Variants in PCDHGA2 observed in about 807,000 individuals in gnomAD.
The protein encoded by PCDHGA2 is protocadherin gamma-A2.
In PCDHGA2, 40 loss-of-function variants were observed where a neutral mutation model predicts 59.2. That is an observed-to-expected ratio of 0.68 (90% confidence interval 0.52 to 0.88). PCDHGA2 has a LOEUF of 0.88. Among genes scored for constraint, PCDHGA2 ranks in the 40% least tolerant of loss-of-function variants. PCDHGA2 has a pLI of 0.00. For missense variants in PCDHGA2, 1,226 were observed against 1,204.0 expected, an observed-to-expected ratio of 1.02 and a Z score of -0.27; for synonymous variants, 560 against 526.0, an observed-to-expected ratio of 1.06 and a Z score of -0.89.
At chr5:141,384,568 G>A (rs1780218340) in intron 1 of PCDHGA2, 1 of 1,614,118 alleles carries the variant, frequency 6.2e-7, no homozygotes, top group Non-Finnish European at 8.5e-7. Context: ...GGACCAGAAT[G>A]ACAACCCGCC....
At chr5:141,419,849 T>C in intron 1 of PCDHGA2, 1 of 1,614,040 alleles carries the variant, frequency 6.2e-7, no homozygotes, top group East Asian at 2.2e-5. Context: ...GCACCTGGTG[T>C]TCGCAGATAG....
chr5:141,480,414 CAA>C (rs10712552), intron 1 of PCDHGA2, among the ~76,000 whole-genome samples: 346 of 147,498 alleles, frequency 2.3e-3, no homozygotes, highest in African/African-American at 8.3e-3. Flanking sequence ...GACCCTGTCT[CAA>C]AAAAAAAAAT....
At chr5:141,410,847 G>GTATTT in intron 1 of PCDHGA2, 1 of 158,252 alleles carries the variant, frequency 6.3e-6, no homozygotes. Flanking sequence ...TTTTGTCTTT[G>GTATTT]TCTTTTTTTT....
chr5:141,415,849 C>A (rs1453652151), intron 1 of PCDHGA2: 2 of 1,230,672 alleles, frequency 1.6e-6, no homozygotes, highest in Non-Finnish European at 2.1e-6. Flanking sequence ...CTTTGCAGAA[C>A]CTTGTAGTTT....
At position 141,385,321 on chromosome 5, in the gene PCDHGA2, C is replaced by T. The variant is rs1267234548; in HGVS notation, c.2424+43926C>T. On this transcript the variant is annotated intron_variant, in intron 1 of 3. Transcript: ENST00000394576. ...ATGTAAAGAAAACCTGCCAAGTATT[C>T]AGGTGAGCCCAGCCCTTCCTTTATT... 3.7e-6 allele frequency: 6 copies of T among 1,606,764 alleles called. No homozygotes were observed. The South Asian group carries it at 6.7e-5, about 18-fold the overall frequency.
At chr5:141,483,937 C>T (rs964918788) in intron 1 of PCDHGA2, among the ~76,000 whole-genome samples, 1 of 130,444 alleles carries the variant, frequency 7.7e-6, no homozygotes, top group African/African-American at 2.9e-5. Flanking sequence ...TAGGTACCTA[C>T]GGTGTGAATT....
chr5:141,413,075 AG>A (rs1225722826), intron 1 of PCDHGA2: 11 of 1,246,492 alleles, frequency 8.8e-6, no homozygotes, highest in Non-Finnish European at 1.1e-5. Context: ...TAAAGTGCCC[AG>A]GCTACAGAGA....
At chr5:141,461,190 T>C (rs2099010725) in intron 1 of PCDHGA2, among the ~76,000 whole-genome samples, 1 of 152,142 alleles carries the variant, frequency 6.6e-6, no homozygotes, top group Non-Finnish European at 1.5e-5. Context: ...TAGATCTGTT[T>C]TTTGCTCTTT....
Position 141,430,964 on chromosome 5 carries a change from A to G in PCDHGA2, c.2425-63843A>G, listed in dbSNP as rs547574367. The G allele has an allele frequency of 7.3e-5, 117 of 1,612,860 alleles. No homozygotes were observed. The South Asian group carries it at 1.2e-3, about 17-fold the overall frequency. On this transcript the variant is annotated intron_variant, in intron 1 of 3. Coordinates refer to ENST00000394576, the MANE Select transcript of PCDHGA2 (RefSeq NM_018915.4). The stretch of plus-strand genomic sequence containing the variant: ...GGAGCGCGGAGTCCGCATCATCCCC[A>G]GAGGTAGGACGCAGCTTTTCGCCCT...
intron 1 of PCDHGA2, chr5:141,364,259 C>T: frequency 6.7e-7 from 1 of 1,498,884 alleles, no homozygotes. Context: ...AATATGTACC[C>T]ATCGGCTTTA....
intron 1 of PCDHGA2, chr5:141,379,735 C>G (rs1775784648): frequency 2.0e-5 from 3 of 152,002 alleles, no homozygotes; most frequent in Admixed American, 6.6e-5. Flanking sequence ...TAAGTTATGG[C>G]TAAATGAGGT....
At chr5:141,448,808 G>C (rs2098608218) in intron 1 of PCDHGA2, among the ~76,000 whole-genome samples, 2 of 152,080 alleles carry the variant, frequency 1.3e-5, no homozygotes, top group Admixed American at 1.3e-4. Flanking sequence ...AGCCAGGCGT[G>C]ATGGCGGGCG....
In PCDHGA2 at chr5:141,486,671, C is replaced by A. The variant is rs1307620045; in HGVS notation, c.2425-8136C>A. On this transcript the variant is annotated intron_variant, in intron 1 of 3. Coordinates refer to ENST00000394576, the MANE Select transcript of PCDHGA2 (RefSeq NM_018915.4). The surrounding 1 kb of genome is among the most constrained non-coding windows in gnomAD (Gnocchi z 5.0). The stretch of plus-strand genomic sequence containing the variant: ...CTACTCACTCCTGGAGCCCAGGAAT[C>A]GAGATGTATCAGCTTCCTCTTTCAT... 1.9e-6 allele frequency: 3 copies of A among 1,614,044 alleles called. No individual in the cohort carries two copies. The highest frequency in any genetic ancestry group is 2.5e-6 in the Non-Finnish European group (3 of 1,180,014).
chr5:141,492,077 C>G (rs917149790), intron 1 of PCDHGA2: 1 of 483,342 alleles, frequency 2.1e-6, no homozygotes, highest in African/African-American at 2.0e-5. Context: ...GGCGCCGGCT[C>G]CGGCACGCTT....
At chr5:141,368,374 T>TACACACATACAC (rs1250465847) in intron 1 of PCDHGA2, among the ~76,000 whole-genome samples, 1 of 152,022 alleles carries the variant, frequency 6.6e-6, no homozygotes, top group African/African-American at 2.4e-5. Context: ...CACATATATA[T>TACACACATACAC]ACACACATAC....
Position 141,340,280 on chromosome 5 carries a change from C to G in PCDHGA2, c.1309C>G (p.His437Asp). Reference protein sequence around the residue: ...GGNPSLSTDAHILLQVADIND... With the variant: ...GGNPSLSTDADILLQVADIND... ...GAACCCCTCCCTGTCCACGGATGCT[C>G]ACATTTTGCTCCAGGTGGCAGACAT... The change falls in exon 1 of 4, where the codon CAC (histidine) becomes GAC (aspartate). Residue 437 changes from histidine to aspartate, a missense_variant. Physicochemically the swap from His to Asp is moderately conservative, Grantham distance 81. Transcript: ENST00000394576. 1.2e-6 allele frequency: 2 copies of G among 1,614,162 alleles called. No homozygotes were observed. Among genetic ancestry groups the G allele is most frequent in the Non-Finnish European group, 1.7e-6 (2 of 1,180,032 alleles).
intron 1 of PCDHGA2, chr5:141,409,566 C>T: frequency 2.5e-6 from 4 of 1,613,978 alleles, no homozygotes; most frequent in Middle Eastern, 1.6e-4. Context: ...TTCGACCAGA[C>T]GTCCTACGTG....
At chr5:141,426,963 C>G (rs1008659501) in intron 1 of PCDHGA2, 1 of 456,646 alleles carries the variant, frequency 2.2e-6, no homozygotes, top group African/African-American at 2.0e-5. Flanking sequence ...TGCTGCAATT[C>G]AAATTGAGGT....
chr5:141,395,422 G>T, intron 1 of PCDHGA2: 1 of 728,826 alleles, frequency 1.4e-6, no homozygotes, highest in Non-Finnish European at 2.1e-6. Flanking sequence ...TGTTTCATTT[G>T]CTTTTAAACG....
Sources: allele counts gnomAD v4.1 joint callset (sites outside exome capture counted in the v4.1 genomes callset), GRCh38; gene constraint gnomAD v4.1.1; non-coding constraint Gnocchi (gnomAD v3.1); transcripts MANE v1.5; gene names NCBI Gene and HGNC (gene_info 2026-07-23, HGNC 2026-07-21).